Variants in FKBP15 observed in about 807,000 individuals in gnomAD.
FKBP15 encodes FKBP prolyl isomerase family member 15.
In FKBP15, 106 loss-of-function variants were observed where a neutral mutation model predicts 158.1. The observed-to-expected ratio is 0.67, with a 90% CI of 0.57 to 0.79. The LOEUF is 0.79. Among genes scored for constraint, FKBP15 ranks in the 30% least tolerant of loss-of-function variants. FKBP15 has a pLI of 0.00. For missense variants in FKBP15, 1,287 were observed against 1,479.1 expected (o/e 0.87, Z 2.13); for synonymous variants, 547 against 548.6 (o/e 1.00, Z 0.04).
intron 24 of FKBP15, among the ~76,000 whole-genome samples, chr9:113,170,854 G>T (rs1830195828): frequency 6.6e-6 from 1 of 152,126 alleles, no homozygotes. Flanking sequence ...ACCTATCAAG[G>T]GCAGGCAAGC....
chr9:113,194,928 A>C (rs1830642223), intron 9 of FKBP15, among the ~76,000 whole-genome samples: 1 of 152,346 alleles, frequency 6.6e-6, no homozygotes, highest in South Asian at 2.1e-4. Context: ...TATCATAAAC[A>C]ATGCTTCCAT....
In FKBP15 at chr9:113,163,030, G is replaced by C. The variant is rs1830042179; in HGVS notation, c.*3048C>G. Reference sequence around the variant, plus strand: ...TGGCTATTCCTCCACCTTATTCCCAGCCCCTGGAAACTTTGAGCTGAAGCC... The same window carrying C: ...TGGCTATTCCTCCACCTTATTCCCACCCCCTGGAAACTTTGAGCTGAAGCC... On this transcript the variant is annotated 3_prime_UTR_variant, in exon 28 of 28. Transcript: ENST00000238256. The C allele has an allele frequency of 4.7e-6, 5 of 1,072,002 alleles. No individual in the cohort carries two copies. Among genetic ancestry groups the C allele is most frequent in the Non-Finnish European group, 6.4e-6 (5 of 786,772 alleles). 66.4% of individuals were successfully genotyped at this position (1,072,002 alleles called of 1,614,324 possible). A position where few individuals can be genotyped will look rare whatever the true frequency, so the allele number is the denominator to read the frequency against.
At chr9:113,169,002 C>CTACCGCAGGGCCCGCCACAG (rs1830150877) in intron 26 of FKBP15, among the ~76,000 whole-genome samples, 1 of 149,184 alleles carries the variant, frequency 6.7e-6, no homozygotes, top group African/African-American at 2.6e-5. Context: ...GCCCGCCACA[C>CTACCGCAGGGCCCGCCACAG]TACCGCAGGG....
In FKBP15 at chr9:113,162,233, T is replaced by C; in HGVS notation, c.*3845A>G. 1 of 261,314 alleles carries C rather than the reference T, an allele frequency of 3.8e-6. No individual in the cohort carries two copies. Among genetic ancestry groups the C allele is most frequent in the South Asian group, 3.8e-5 (1 of 26,596 alleles). The allele number at this position is 261,314 out of a possible 1,614,324, so 16.2% of individuals were successfully genotyped here. On this transcript the variant is annotated 3_prime_UTR_variant, in exon 28 of 28. Coordinates refer to ENST00000238256, the MANE Select transcript of FKBP15 (RefSeq NM_015258.2). ...TCACTAGCCACCCTACATGGGTGTC[T>C]CAGATCTTCACAACTGCACTGCAAG...
In FKBP15 at chr9:113,176,597, C is replaced by T. The variant is rs1461599965; in HGVS notation, c.2163G>A (p.Lys721=). 1 of 1,586,074 alleles carries T rather than the reference C, an allele frequency of 6.3e-7. No individual in the cohort carries two copies. Among genetic ancestry groups the T allele is most frequent in the African/African-American group, 1.3e-5 (1 of 74,554 alleles). The change falls in exon 21 of 28, where the codon AAG becomes AAA. Residue 721 remains lysine (K), a synonymous_variant. Coordinates refer to ENST00000238256, the MANE Select transcript of FKBP15 (RefSeq NM_015258.2). ...EKQNRKQLEL[K]VTSLEEELTD... ...TCAGTTCCTCCTCCAGGGATGTCAC[C>T]TTGAGTTCCAGTTGTTTCCGGTTCT...
Position 113,169,360 on chromosome 9 carries a change from C to G in FKBP15, c.3349G>C (p.Glu1117Gln), listed in dbSNP as rs755397372. ...PLALGPESPG[E>Q]PQPPQLKKDD... ...TTCTTGAGCTGTGGAGGCTGAGGCT[C>G]TCCTGGGCTTTCAGGCCCTAAGGCC... is the stretch of plus-strand genomic sequence containing the variant. The change falls in exon 26 of 28, where the codon GAG becomes CAG. Residue 1117 changes from glutamate (E) to glutamine (Q), a missense_variant. Physicochemically the swap from Glu to Gln is conservative, Grantham distance 29. Transcript: ENST00000238256. 8.1e-6 allele frequency: 13 copies of G among 1,614,064 alleles called. No homozygotes were observed. The highest frequency in any genetic ancestry group is 1.1e-5 in the Non-Finnish European group (13 of 1,179,904).
intron 1 of FKBP15, among the ~76,000 whole-genome samples, chr9:113,217,543 A>C (rs1831164476): frequency 6.6e-6 from 1 of 152,174 alleles, no homozygotes; most frequent in African/African-American, 2.4e-5. Flanking sequence ...TGGACTCTGC[A>C]TCAACTTGGG....
intron 20 of FKBP15, among the ~76,000 whole-genome samples, 193 bp downstream of exon 20, chr9:113,178,437 C>T (rs536687297): frequency 2.4e-4 from 37 of 152,338 alleles, no homozygotes; most frequent in African/African-American, 8.4e-4. Context: ...ATCAATTCCA[C>T]ATGAATAGTC....
chr9:113,191,871 C>T (rs1335948947), intron 11 of FKBP15, among the ~76,000 whole-genome samples: 2 of 151,450 alleles, frequency 1.3e-5, no homozygotes, highest in African/African-American at 2.4e-5. Context: ...AGTGAGTCCT[C>T]ACAATGTAGA....
intron 3 of FKBP15, 116 bp from the exon 4 acceptor site, chr9:113,206,694 A>C: frequency 1.5e-6 from 1 of 665,008 alleles, no homozygotes; most frequent in Non-Finnish European, 2.5e-6. Context: ...AGGCAGGGAC[A>C]CAGGTGAGCG....
rs747139318 is a variant in FKBP15 at position 113,193,500 on chromosome 9, T to C, written c.1057A>G (p.Ile353Val). The C allele has an allele frequency of 1.2e-5, 19 of 1,594,734 alleles. No homozygotes were observed. The highest frequency in any genetic ancestry group is 4.0e-5 in the African/African-American group (3 of 74,680). The change falls in exon 11 of 28, where the codon ATA becomes GTA. Residue 353 changes from isoleucine to valine, a missense_variant. Transcript: ENST00000238256. Reference sequence around the variant, plus strand: ...AAGACTCTTATACTTACTGTATTTATTGCAAGTTGTTCACTGAGGGAGTTA... The same window carrying C: ...AAGACTCTTATACTTACTGTATTTACTGCAAGTTGTTCACTGAGGGAGTTA... ...KSNSLSEQLA[I>V]NTSPDAVKAK...
intron 11 of FKBP15, 76 bp downstream of exon 11, chr9:113,193,416 C>G (rs2118907902): frequency 1.6e-6 from 2 of 1,221,240 alleles, no homozygotes; most frequent in East Asian, 5.1e-5. Context: ...CTGTAGTGAT[C>G]CTCCTGCCTC....
intron 1 of FKBP15, among the ~76,000 whole-genome samples, chr9:113,213,151 G>A (rs962816888): frequency 3.3e-5 from 5 of 152,168 alleles, no homozygotes; most frequent in Middle Eastern, 3.2e-3. Flanking sequence ...GCTCATACCC[G>A]TAATCCCAGC....
chr9:113,162,300 G>A lies in FKBP15; in HGVS notation c.*3778C>T, dbSNP rs547339276. 1.3e-5 allele frequency: 3 copies of A among 228,736 alleles called. No homozygotes were observed. The highest frequency in any genetic ancestry group is 4.8e-5 in the African/African-American group (2 of 42,098). The allele number at this position is 228,736 out of a possible 1,614,324, so 14.2% of individuals were successfully genotyped here. On this transcript the variant is annotated 3_prime_UTR_variant, in exon 28 of 28. Coordinates refer to ENST00000238256, the MANE Select transcript of FKBP15 (RefSeq NM_015258.2). ...CTGTTTTACTGATAAGGAATCTTAC[G>A]TTCAGAGAGGTTAAGACATTTGTCT... is the stretch of plus-strand genomic sequence containing the variant.
At chr9:113,218,698 C>T (rs1037659191) in intron 1 of FKBP15, among the ~76,000 whole-genome samples, 9 of 152,032 alleles carry the variant, frequency 5.9e-5, no homozygotes, top group African/African-American at 2.2e-4. Flanking sequence ...GCAAAGGTCT[C>T]AAAGTTTATC....
chr9:113,206,353 T>C, intron 4 of FKBP15, 156 bp downstream of exon 4: 1 of 595,722 alleles, frequency 1.7e-6, no homozygotes, highest in East Asian at 2.9e-5. Flanking sequence ...CAAAATGTGA[T>C]CATTTACTAT....
chr9:113,174,104 G>A (rs1830260764), intron 22 of FKBP15, among the ~76,000 whole-genome samples: 1 of 152,108 alleles, frequency 6.6e-6, no homozygotes, highest in Admixed American at 6.5e-5. Flanking sequence ...TTCTTTTCAA[G>A]GATGATAATG....
intron 20 of FKBP15, among the ~76,000 whole-genome samples, chr9:113,178,375 C>T (rs1830333632): frequency 6.6e-6 from 1 of 152,164 alleles, no homozygotes; most frequent in Admixed American, 6.5e-5. Flanking sequence ...ATCATAAGTA[C>T]CAAAGATTTT....
chr9:113,201,489 G>A (rs986604761), intron 6 of FKBP15, among the ~76,000 whole-genome samples: 11 of 152,214 alleles, frequency 7.2e-5, no homozygotes, highest in Non-Finnish European at 1.2e-4. Flanking sequence ...CTAATTCCCA[G>A]TGTGACAGTA....
Sources: allele counts gnomAD v4.1 joint callset (sites outside exome capture counted in the v4.1 genomes callset), GRCh38; gene constraint gnomAD v4.1.1; transcripts MANE v1.5; gene names NCBI Gene and HGNC (gene_info 2026-07-23, HGNC 2026-07-21).